Variants in UBE2D3 observed in about 807,000 individuals in gnomAD.
UBE2D3 encodes the protein ubiquitin conjugating enzyme E2 D3.
UBE2D3 carries 2 observed loss-of-function variants against 22.8 expected under a neutral mutation model. The ratio of observed to expected loss-of-function variants is 0.09; its 90% CI spans 0.04 to 0.28. The LOEUF is 0.28. Among genes scored for constraint, UBE2D3 ranks in the 10% least tolerant of loss-of-function variants. UBE2D3 has a pLI of 1.00. For missense variants in UBE2D3, 27 were observed against 182.5 expected, an observed-to-expected ratio of 0.15 and a Z score of 4.91; for synonymous variants, 56 against 60.4, an observed-to-expected ratio of 0.93 and a Z score of 0.34.
intron 1 of UBE2D3, among the ~76,000 whole-genome samples, chr4:102,853,736 G>T (rs76718366): frequency 0.012 from 1,815 of 152,128 alleles, 22 homozygotes; most frequent in African/African-American, 0.036. Context: ...AGACTGAAAC[G>T]CAAAACATCT....
At chr4:102,820,562 G>A (rs1029263858) in intron 2 of UBE2D3, among the ~76,000 whole-genome samples, 3 of 152,136 alleles carry the variant, frequency 2.0e-5, no homozygotes, top group Non-Finnish European at 4.4e-5. Context: ...AGAATGGATT[G>A]AATATTACTA....
At chr4:102,809,152 T>C (rs1200247301) in intron 4 of UBE2D3, 1 of 329,732 alleles carries the variant, frequency 3.0e-6, no homozygotes, top group East Asian at 8.6e-5. Context: ...CAGCATATAG[T>C]TGCTTATCTA....
In UBE2D3 at chr4:102,798,892, CATA is replaced by C. The variant is rs1316017320; in HGVS notation, c.398+512_398+514del. The C allele has an allele frequency of 6.2e-6, 10 of 1,605,720 alleles. No homozygotes were observed. In the African/African-American group the frequency reaches 1.1e-4, roughly 17 times the overall value. The stretch of plus-strand genomic sequence containing the variant: ...TGCAGCACTCAAGTGCTGGCAGTAC[CATA>C]ATAAGCGCACCATAGAGTGCAGATC... On this transcript the variant is annotated intron_variant, in intron 7 of 7. Coordinates refer to ENST00000453744, the MANE Select transcript of UBE2D3 (RefSeq NM_181891.3).
At chr4:102,815,533 T>A (rs899691293) in intron 2 of UBE2D3, among the ~76,000 whole-genome samples, 1 of 152,174 alleles carries the variant, frequency 6.6e-6, no homozygotes, top group African/African-American at 2.4e-5. Flanking sequence ...ACAAAGAAAG[T>A]AAGAAAGTAT....
intron 2 of UBE2D3, among the ~76,000 whole-genome samples, chr4:102,817,932 T>C (rs974318383): frequency 5.9e-5 from 9 of 152,150 alleles, no homozygotes; most frequent in Non-Finnish European, 1.2e-4. Flanking sequence ...TTCACAGGCT[T>C]CAGGGACAAA....
At chr4:102,834,119 T>G (rs1731261153) in intron 1 of UBE2D3, among the ~76,000 whole-genome samples, 1 of 152,218 alleles carries the variant, frequency 6.6e-6, no homozygotes, top group Non-Finnish European at 1.5e-5. Flanking sequence ...GCCAGATCCA[T>G]TAATTTACAT....
intron 1 of UBE2D3, among the ~76,000 whole-genome samples, chr4:102,851,232 C>G (rs1217631629): frequency 6.6e-6 from 1 of 152,240 alleles, no homozygotes; most frequent in Non-Finnish European, 1.5e-5. Flanking sequence ...CCCCTTGAAT[C>G]TAGCTATCTT....
upstream of UBE2D3, chr4:102,827,590 GC>G: frequency 1.0e-6 from 1 of 987,044 alleles, no homozygotes; most frequent in Non-Finnish European, 1.2e-6. Context: ...CCCTCCTCCT[GC>G]CTCTTCACCG....
chr4:102,831,449 A>G (rs531345152), upstream of UBE2D3, among the ~76,000 whole-genome samples: 6 of 152,232 alleles, frequency 3.9e-5, no homozygotes, highest in Non-Finnish European at 7.3e-5. Context: ...ACAAAAACAT[A>G]TATATACACA....
At chr4:102,818,387 A>G (rs2110308049) in intron 2 of UBE2D3, among the ~76,000 whole-genome samples, 1 of 152,278 alleles carries the variant, frequency 6.6e-6, no homozygotes, top group African/African-American at 2.4e-5. Flanking sequence ...GAGAATCCAG[A>G]CCTTCTCACT....
At chr4:102,818,344 T>G (rs2110307952) in intron 2 of UBE2D3, among the ~76,000 whole-genome samples, 1 of 152,300 alleles carries the variant, frequency 6.6e-6, no homozygotes, top group South Asian at 2.1e-4. Flanking sequence ...CTGAGCTGCT[T>G]CTCCTCAAAC....
chr4:102,807,308 A>G (rs948412409), intron 4 of UBE2D3, among the ~76,000 whole-genome samples: 1 of 152,240 alleles, frequency 6.6e-6, no homozygotes, highest in African/African-American at 2.4e-5. Context: ...TGAGAAGCCA[A>G]AAGAACAAAA....
At chr4:102,840,248 T>C (rs1310712314) in intron 1 of UBE2D3, among the ~76,000 whole-genome samples, 4 of 152,220 alleles carry the variant, frequency 2.6e-5, no homozygotes, top group African/African-American at 9.6e-5. Context: ...CACTAATGGG[T>C]ATTTATTCAA....
chr4:102,808,186 T>A (rs929368701), intron 4 of UBE2D3, among the ~76,000 whole-genome samples: 2 of 152,108 alleles, frequency 1.3e-5, no homozygotes, highest in African/African-American at 4.8e-5. Flanking sequence ...ACATATCCCA[T>A]CTAAAAAAGG....
rs886650290 is a variant in UBE2D3, at chr4:102,854,475, C to T, written c.-129+14240G>A. On this transcript the variant is annotated intron_variant, in intron 1 of 7. Transcript: ENST00000338145. ...TGGTTCTATCAGTTTTTGCCTTACA[C>T]ATTTTAATGCTGTTAGGTGCATATA... is the stretch of plus-strand genomic sequence containing the variant. Among the ~76,000 whole-genome samples, 8 of 152,286 alleles carry T rather than the reference C, an allele frequency of 5.3e-5. No homozygotes were observed. The East Asian group carries it at 1.5e-3, about 29-fold the overall frequency.
chr4:102,812,915 G>A (rs371764848), intron 2 of UBE2D3: 1 of 152,038 alleles, frequency 6.6e-6, no homozygotes, highest in African/African-American at 2.4e-5. Flanking sequence ...CAGTCAATGG[G>A]GGTTATTAAT....
At chr4:102,809,072 G>A (rs756732775) in intron 4 of UBE2D3, 1 of 206,078 alleles carries the variant, frequency 4.9e-6, no homozygotes, top group African/African-American at 2.4e-5. Flanking sequence ...TCTTACCCCA[G>A]GATGTTTTAG....
In UBE2D3 at chr4:102,826,472, C is replaced by A. The variant is rs781140448; in HGVS notation, c.24+13G>T. The A allele has an allele frequency of 1.2e-6, 2 of 1,613,774 alleles. No homozygotes were observed. The highest frequency in any genetic ancestry group is 1.3e-5 in the African/African-American group (1 of 74,846). ...TTCTCCTACCACCCCATGCCCTTGTCCCCGCGGGTTACCTTATTAATCCGT... is the reference window on the plus strand; with the variant it reads ...TTCTCCTACCACCCCATGCCCTTGTACCCGCGGGTTACCTTATTAATCCGT... On this transcript the variant is annotated intron_variant, in intron 2 of 7. Coordinates refer to ENST00000453744, the MANE Select transcript of UBE2D3 (RefSeq NM_181891.3).
At chr4:102,830,200 T>C (rs1404467183), upstream of UBE2D3, among the ~76,000 whole-genome samples, 1 of 152,164 alleles carries the variant, frequency 6.6e-6, no homozygotes, top group Non-Finnish European at 1.5e-5. Context: ...TTTTAAAACA[T>C]TATTCATGTA....
Sources: allele counts gnomAD v4.1 joint callset (sites outside exome capture counted in the v4.1 genomes callset), GRCh38; gene constraint gnomAD v4.1.1; transcripts MANE v1.5; gene names NCBI Gene and HGNC (gene_info 2026-07-23, HGNC 2026-07-21).